The following H6PD variants were observed in gnomAD, a reference collection of about 807,000 sequenced individuals.
H6PD encodes hexose-6-phosphate dehydrogenase/glucose 1-dehydrogenase.
Under a neutral mutation model 61.2 loss-of-function variants are expected in H6PD, and 48 were observed. The observed-to-expected ratio is 0.78, with a 90% confidence interval of 0.62 to 1.00. The LOEUF (loss-of-function observed/expected upper bound fraction) is 1.00, where lower values mean the gene tolerates loss of function less well. Among genes scored for constraint, H6PD ranks in the 50% least tolerant of loss-of-function variants. The pLI is 0.00. For missense variants in H6PD, 1,093 were observed against 1,065.0 expected, an observed-to-expected ratio of 1.03 and a Z score of -0.37; for synonymous variants, 480 against 457.9, an observed-to-expected ratio of 1.05 and a Z score of -0.62.
intron 1 of H6PD, among the ~76,000 whole-genome samples, chr1:9,237,647 C>T (rs962563828): frequency 6.6e-6 from 1 of 152,152 alleles, no homozygotes. Context: ...TGATGCATGT[C>T]ACACCGATAG....
In H6PD at chr1:9,250,993, G is replaced by A. The variant is rs187938600; in HGVS notation, c.745+3910G>A. On this transcript the variant is annotated intron_variant, in intron 3 of 4. Transcript: ENST00000377403. Reference sequence around the variant, plus strand: ...GGTGGGGAGGAGGAAAGGAAGACGCGATCTGGTTCCCAGCTCCCTCTCAGC... The same window carrying A: ...GGTGGGGAGGAGGAAAGGAAGACGCAATCTGGTTCCCAGCTCCCTCTCAGC... 7.8e-4 allele frequency among the ~76,000 whole-genome samples: 119 copies of A among 152,264 alleles called. 1 individual carries two copies. The highest frequency in any genetic ancestry group is 2.8e-3 in the African/African-American group (115 of 41,562).
chr1:9,248,195 T>C (rs1325439645), intron 3 of H6PD, among the ~76,000 whole-genome samples: 1 of 152,210 alleles, frequency 6.6e-6, no homozygotes, highest in African/African-American at 2.4e-5. Flanking sequence ...GCCCCCGCAG[T>C]GCGTGCCCGC....
chr1:9,246,952 TC>T lies in H6PD; in HGVS notation c.628-6del, dbSNP rs201586222. On this transcript the variant is annotated splice_polypyrimidine_tract_variant and intron_variant, in intron 2 of 4. Coordinates refer to ENST00000377403, the MANE Select transcript of H6PD (RefSeq NM_004285.4). Reference sequence around the variant, plus strand: ...GAGTATCCTGCAGCACGCCCAGTCTTCCCCCCCCGACAGGCTGTGGCGCAGA... The same window carrying T: ...GAGTATCCTGCAGCACGCCCAGTCTTCCCCCCCGACAGGCTGTGGCGCAGA... 6.9e-4 allele frequency: 1,079 copies of T among 1,554,890 alleles called. 4 individuals are homozygous for T. The African/African-American group carries it at 0.01, about 14-fold the overall frequency.
At chr1:9,238,239 G>A (rs780308384) in intron 1 of H6PD, among the ~76,000 whole-genome samples, 40 of 152,204 alleles carry the variant, frequency 2.6e-4, no homozygotes, top group Non-Finnish European at 4.8e-4. Flanking sequence ...GAGGCTGGGC[G>A]GCCAGAGCCT....
At position 9,263,879 on chromosome 1, in the gene H6PD, A is replaced by G; in HGVS notation, c.1386A>G (p.Leu462=). 6 of 1,614,052 alleles carry G rather than the reference A, an allele frequency of 3.7e-6. No individual in the cohort carries two copies. The highest frequency in any genetic ancestry group is 5.1e-6 in the Non-Finnish European group (6 of 1,179,984). Residue 462 remains leucine (L), a synonymous_variant, in exon 5 of 5, where the codon TTA becomes TTG. Transcript: ENST00000377403. ...VRERDAHSVL[L]SHIFHGRKNF... is the part of the protein sequence containing the mutation. ...AGCGGGACGCCCACTCCGTCCTCTT[A>G]TCCCATATCTTCCATGGCCGGAAGA... is the stretch of plus-strand genomic sequence containing the variant.
rs778580611 is a variant in H6PD, at chr1:9,263,889, T to C, written c.1396T>C (p.Phe466Leu). 11 of 1,614,046 alleles carry C rather than the reference T, an allele frequency of 6.8e-6. No homozygotes were observed. In the Admixed American group the frequency reaches 8.3e-5, roughly 12 times the overall value. ...CCACTCCGTCCTCTTATCCCATATC[T>C]TCCATGGCCGGAAGAATTTCTTCAT... ...DAHSVLLSHI[F>L]HGRKNFFITT... Residue 466 changes from phenylalanine (F) to leucine (L), a missense_variant, in exon 5 of 5, where the codon TTC becomes CTC. Coordinates refer to ENST00000377403, the MANE Select transcript of H6PD (RefSeq NM_004285.4).
At position 9,234,798 on chromosome 1, in the gene H6PD, G is replaced by A. The variant is rs952766378; in HGVS notation, c.-279G>A. On this transcript the variant is annotated 5_prime_UTR_variant, in exon 1 of 5. Coordinates refer to ENST00000377403, the MANE Select transcript of H6PD (RefSeq NM_004285.4). ...CAGTCTTGCTGAGCGCAAGGCGGTGGAGGCCTGAGGCCTGAGGCCTGGGGC... is the reference window on the plus strand; with the variant it reads ...CAGTCTTGCTGAGCGCAAGGCGGTGAAGGCCTGAGGCCTGAGGCCTGGGGC... 6.8e-6 allele frequency: 1 copy of A among 146,862 alleles called. No homozygotes were observed. The highest frequency in any genetic ancestry group is 1.5e-5 in the Non-Finnish European group (1 of 66,112). The allele number at this position is 146,862 out of a possible 1,614,324, so 9.1% of individuals were successfully genotyped here.
rs731183 is a variant in H6PD at position 9,263,398 on chromosome 1, G to A, written c.1016-111G>A. On this transcript the variant is annotated intron_variant, in intron 4 of 4. Transcript: ENST00000377403. Reference sequence around the variant, plus strand: ...AGGGGTGAGCATGGCAAGGCGAGGGGCTTCCCTGAGGCAGGGGGACGCCCA... The same window carrying A: ...AGGGGTGAGCATGGCAAGGCGAGGGACTTCCCTGAGGCAGGGGGACGCCCA... 4.9e-6 allele frequency: 5 copies of A among 1,017,298 alleles called. No individual in the cohort carries two copies. In the Admixed American group the frequency reaches 5.1e-5, roughly 10 times the overall value. 63.0% of individuals were successfully genotyped at this position (1,017,298 alleles called of 1,614,324 possible).
intron 1 of H6PD, among the ~76,000 whole-genome samples, chr1:9,244,211 G>T (rs780784706): frequency 1.6e-4 from 24 of 152,270 alleles, no homozygotes; most frequent in Admixed American, 8.5e-4. Context: ...ATAGGTACAG[G>T]CCTCAGCTCA....
Position 9,265,171 on chromosome 1 carries a change from A to G in H6PD, c.*302A>G, listed in dbSNP as rs531844038. On this transcript the variant is annotated 3_prime_UTR_variant, in exon 5 of 5. Coordinates refer to ENST00000377403, the MANE Select transcript of H6PD (RefSeq NM_004285.4). ...CAGCAGTTACACATTCATATCAACC[A>G]GCACAACACGGGATGGCGCCCAAAC... The G allele has an allele frequency of 1.2e-5, 6 of 488,052 alleles. No individual in the cohort carries two copies. The highest frequency in any genetic ancestry group is 8.3e-5 in the South Asian group (4 of 48,140). 30.2% of individuals were successfully genotyped at this position (488,052 alleles called of 1,614,324 possible).
Position 9,238,988 on chromosome 1 carries a change from A to T in H6PD, c.-11+3922A>T, listed in dbSNP as rs148541851. ...TATCAAGAGCATAGATATTAGTGAA[A>T]TGTAGTCAGATGATTAGGAAGTAAT... On this transcript the variant is annotated intron_variant, in intron 1 of 4. Transcript: ENST00000377403. Among the ~76,000 whole-genome samples the T allele has an allele frequency of 2.0e-3, 309 of 152,290 alleles. 3 individuals carry two copies. The highest frequency in any genetic ancestry group is 0.017 in the Middle Eastern group (5 of 294).
intron 3 of H6PD, among the ~76,000 whole-genome samples, chr1:9,252,312 A>G (rs188471370): frequency 2.6e-5 from 4 of 152,250 alleles, no homozygotes; most frequent in Non-Finnish European, 5.9e-5. Flanking sequence ...ATACCTTTTA[A>G]TATTTATATT....
Position 9,262,153 on chromosome 1 carries a change from C to T in H6PD, c.840C>T (p.Pro280=). 1 of 1,614,234 alleles carries T rather than the reference C, an allele frequency of 6.2e-7. No individual in the cohort carries two copies. The highest frequency in any genetic ancestry group is 2.2e-5 in the East Asian group (1 of 44,882). ...EVLTLVAMEL[P]HNVSSAEAVL... is the part of the protein sequence containing the mutation. ...TCACCCTCGTGGCCATGGAGCTGCC[C>T]CACAATGTCAGCAGTGCGGAGGCTG... Residue 280 remains proline (P), a synonymous_variant, in exon 4 of 5, where the codon CCC becomes CCT. Transcript: ENST00000377403.
At position 9,270,614 on chromosome 1, in the gene H6PD, C is replaced by G. The variant is rs1374656006; in HGVS notation, c.*5745C>G. On this transcript the variant is annotated 3_prime_UTR_variant, in exon 5 of 5. Coordinates refer to ENST00000377403, the MANE Select transcript of H6PD (RefSeq NM_004285.4). Reference sequence around the variant, plus strand: ...CCTGGGAGCTCATCTTTACCTGTGCCGGAGTGGGAACTGTGATTCCAGCCG... The same window carrying G: ...CCTGGGAGCTCATCTTTACCTGTGCGGGAGTGGGAACTGTGATTCCAGCCG... 1 of 152,212 alleles carries G rather than the reference C, an allele frequency of 6.6e-6. No homozygotes were observed. The highest frequency in any genetic ancestry group is 6.5e-5 in the Admixed American group (1 of 15,282). 9.4% of individuals were successfully genotyped at this position (152,212 alleles called of 1,614,324 possible). A position where few individuals can be genotyped will look rare whatever the true frequency, so the allele number is the denominator to read the frequency against.
intron 1 of H6PD, among the ~76,000 whole-genome samples, chr1:9,236,317 G>A (rs568414129): frequency 1.3e-5 from 2 of 152,176 alleles, no homozygotes; most frequent in East Asian, 3.9e-4. Context: ...AGCAGTTCAA[G>A]AAGCTAGCAA....
chr1:9,265,115 G>A lies in H6PD; in HGVS notation c.*246G>A, dbSNP rs1342196067. ...CTGCTCCTGAGAAGCTTCAAATTCAGGCCAGGAGAGAAGTCTTAAGAAAAG... is the reference window on the plus strand; with the variant it reads ...CTGCTCCTGAGAAGCTTCAAATTCAAGCCAGGAGAGAAGTCTTAAGAAAAG... On this transcript the variant is annotated 3_prime_UTR_variant, in exon 5 of 5. Transcript: ENST00000377403. 1.7e-6 allele frequency: 1 copy of A among 590,276 alleles called. No homozygotes were observed. The highest frequency in any genetic ancestry group is 3.0e-6 in the Non-Finnish European group (1 of 329,798). 36.6% of individuals were successfully genotyped at this position (590,276 alleles called of 1,614,324 possible).
intron 1 of H6PD, among the ~76,000 whole-genome samples, chr1:9,237,794 C>T (rs891112031): frequency 6.6e-6 from 1 of 152,076 alleles, no homozygotes; most frequent in Non-Finnish European, 1.5e-5. Context: ...TCCTTTGTGC[C>T]GTATTTCAAA....
At chr1:9,243,867 C>CCTG (rs142106336) in intron 1 of H6PD, among the ~76,000 whole-genome samples, 1 of 109,784 alleles carries the variant, frequency 9.1e-6, no homozygotes, top group South Asian at 3.6e-4. Flanking sequence ...GAGGAAGAGG[C>CCTG]GGGGGCGGTG....
intron 3 of H6PD, among the ~76,000 whole-genome samples, chr1:9,258,713 T>C (rs1251905839): frequency 6.6e-6 from 1 of 152,202 alleles, no homozygotes; most frequent in Admixed American, 6.5e-5. Context: ...ATGTTGTTGT[T>C]ACACCGGTGT....
Sources: gnomAD v4.1 joint callset for allele counts (sites outside exome capture counted in the v4.1 genomes callset) on GRCh38, gnomAD v4.1.1 for gene constraint, MANE v1.5 for transcripts, NCBI Gene and HGNC (gene_info 2026-07-23, HGNC 2026-07-21) for gene names.